Variants in CCDC88C observed in about 807,000 individuals in gnomAD.
CCDC88C encodes protein Daple.
A neutral mutation model predicts 198.8 loss-of-function variants in CCDC88C; 131 were observed. That is an observed-to-expected ratio of 0.66 (90% CI 0.57 to 0.76). The LOEUF (loss-of-function observed/expected upper bound fraction) is 0.76, where lower values mean the gene tolerates loss of function less well. Ranked by LOEUF, CCDC88C falls within the 30% of genes least tolerant of loss-of-function variation. CCDC88C has a pLI of 0.00. For missense variants in CCDC88C, 2,553 were observed against 2,631.6 expected, an observed-to-expected ratio of 0.97 and a Z score of 0.65; for synonymous variants, 1,166 against 1,114.7, an observed-to-expected ratio of 1.05 and a Z score of -0.92.
rs778981074 is a variant in CCDC88C at position 91,294,204 on chromosome 14, C to T, written c.4081G>A (p.Glu1361Lys). 9.3e-6 allele frequency: 15 copies of T among 1,613,998 alleles called. No individual in the cohort carries two copies. The highest frequency in any genetic ancestry group is 1.3e-5 in the Non-Finnish European group (15 of 1,179,868). Residue 1361 changes from glutamate to lysine, a missense_variant, in exon 23 of 30, where the codon GAG (glutamate) becomes AAG (lysine). Coordinates refer to ENST00000389857, the MANE Select transcript of CCDC88C (RefSeq NM_001080414.4). ...TGCTTCTGCTCCTCATGGTACTGCT[C>T]CTTGTTCTCCATGTTCTGCTCCAGA... ...MLLEQNMENK[E>K]QYHEEQKQYI... is the part of the protein sequence containing the mutation.
intron 4 of CCDC88C, among the ~76,000 whole-genome samples, 189 bp from the exon 5 acceptor site, chr14:91,343,846 G>T (rs368680283): frequency 6.6e-6 from 1 of 152,094 alleles, no homozygotes; most frequent in Non-Finnish European, 1.5e-5. Context: ...TTGAGACAGG[G>T]TCTCACTCTG....
chr14:91,400,330 G>A (rs901801800), intron 3 of CCDC88C, among the ~76,000 whole-genome samples: 1 of 152,220 alleles, frequency 6.6e-6, no homozygotes, highest in African/African-American at 2.4e-5. Context: ...GGAGGAGGAC[G>A]GGGGACCCCC....
Position 91,339,955 on chromosome 14 carries a change from G to A in CCDC88C, c.553C>T (p.Leu185=). ...LELPDVAPEE[L]EALSRSMVLH... Reference sequence around the variant, plus strand: ...ACCATGCTCCTCGACAGGGCCTCCAGCTCCTCCGGAGCCACGTCGGGCAGC... The same window carrying A: ...ACCATGCTCCTCGACAGGGCCTCCAACTCCTCCGGAGCCACGTCGGGCAGC... The change falls in exon 7 of 30, where the codon CTG becomes TTG. Residue 185 remains leucine (L), a synonymous_variant. Coordinates refer to ENST00000389857, the MANE Select transcript of CCDC88C (RefSeq NM_001080414.4). This position sits in a 1 kb window ranked among gnomAD's most constrained non-coding sequence, Gnocchi z 5.8. 6.2e-7 allele frequency: 1 copy of A among 1,601,184 alleles called. No homozygotes were observed. Among genetic ancestry groups the A allele is most frequent in the Non-Finnish European group, 8.5e-7 (1 of 1,175,076 alleles).
At chr14:91,276,821 A>G (rs112791685) in intron 29 of CCDC88C, among the ~76,000 whole-genome samples, 10 of 152,364 alleles carry the variant, frequency 6.6e-5, no homozygotes, top group African/African-American at 1.9e-4. Context: ...ACGTATGTGC[A>G]GCTTCAAAAA....
At chr14:91,336,969 G>A (rs1421552915) in intron 10 of CCDC88C, among the ~76,000 whole-genome samples, 3 of 152,232 alleles carry the variant, frequency 2.0e-5, no homozygotes, top group African/African-American at 7.2e-5. Context: ...TAGGAGAGAC[G>A]TTGGGATTAT....
chr14:91,386,071 T>C (rs1313251228), intron 3 of CCDC88C, among the ~76,000 whole-genome samples: 1 of 152,024 alleles, frequency 6.6e-6, no homozygotes, highest in Non-Finnish European at 1.5e-5. Context: ...ATGGGGACAA[T>C]ACTTCCTGAA....
At chr14:91,319,431 T>C (rs1218099242) in intron 13 of CCDC88C, among the ~76,000 whole-genome samples, 1 of 152,192 alleles carries the variant, frequency 6.6e-6, no homozygotes, top group East Asian at 1.9e-4. Context: ...TTCTTCCCCA[T>C]CCCATAAACC....
chr14:91,291,034 A>AT lies in CCDC88C; in HGVS notation c.4162dup (p.Ile1388AsnfsTer9). Reference sequence around the variant, plus strand: ...ATCATAGAACTTGTATTGATCCATGATTTTTTCTTCCAGCTTTTCCTTATG... The same window carrying AT: ...ATCATAGAACTTGTATTGATCCATGATTTTTTTCTTCCAGCTTTTCCTTATG... On this transcript the variant is annotated frameshift_variant, in exon 24 of 30. Coordinates refer to ENST00000389857, the MANE Select transcript of CCDC88C (RefSeq NM_001080414.4). LOFTEE classifies it high-confidence loss of function. 1 of 1,592,990 alleles carries AT rather than the reference A, an allele frequency of 6.3e-7. No homozygotes were observed. Among genetic ancestry groups the AT allele is most frequent in the East Asian group, 2.2e-5 (1 of 44,622 alleles).
intron 2 of CCDC88C, among the ~76,000 whole-genome samples, chr14:91,412,171 T>TA (rs1886824676): frequency 6.6e-6 from 1 of 152,102 alleles, no homozygotes; most frequent in Non-Finnish European, 1.5e-5. Flanking sequence ...TATCACAGGT[T>TA]AAAAAACATG....
chr14:91,315,831 C>T (rs369977738), intron 13 of CCDC88C, 44 bp from the exon 14 acceptor site: 116 of 1,589,400 alleles, frequency 7.3e-5, no homozygotes, highest in Non-Finnish European at 9.4e-5. Flanking sequence ...ATCAGTCCTA[C>T]GAAGTGAACC....
intron 12 of CCDC88C, 28 bp downstream of exon 12, chr14:91,324,751 T>C: frequency 6.2e-7 from 1 of 1,605,562 alleles, no homozygotes; most frequent in Non-Finnish European, 8.5e-7. Flanking sequence ...ACGGCCAGGC[T>C]GGCTCCCCGG....
At chr14:91,413,303 T>C (rs960680257) in intron 2 of CCDC88C, among the ~76,000 whole-genome samples, 18 of 152,194 alleles carry the variant, frequency 1.2e-4, no homozygotes. Flanking sequence ...TAGTTTTATT[T>C]AAATCTCCCC....
intron 23 of CCDC88C, among the ~76,000 whole-genome samples, chr14:91,291,825 T>C (rs888155094): frequency 6.6e-6 from 1 of 152,300 alleles, no homozygotes. Context: ...CAAAGAGATA[T>C]CTCTTGAATC....
intron 10 of CCDC88C, among the ~76,000 whole-genome samples, chr14:91,329,198 A>T (rs1233940690): frequency 6.6e-6 from 1 of 151,934 alleles, no homozygotes; most frequent in Non-Finnish European, 1.5e-5. Context: ...TTTGAGAAGC[A>T]TGGGGGACTT....
intron 3 of CCDC88C, among the ~76,000 whole-genome samples, chr14:91,383,323 G>C (rs185037829): frequency 1.1e-3 from 172 of 152,330 alleles, no homozygotes; most frequent in Non-Finnish European, 2.1e-3. Flanking sequence ...CTGCCGTGGG[G>C]GGCCCAGCCA....
intron 20 of CCDC88C, among the ~76,000 whole-genome samples, chr14:91,302,814 A>G (rs1822885233): frequency 1.3e-5 from 2 of 152,178 alleles, no homozygotes; most frequent in Admixed American, 1.3e-4. Context: ...TTGATATGAA[A>G]GAGAAGAGCT....
chr14:91,296,433 G>C (rs1323768843), intron 22 of CCDC88C, among the ~76,000 whole-genome samples: 2 of 152,368 alleles, frequency 1.3e-5, no homozygotes, highest in African/African-American at 4.8e-5. Flanking sequence ...CCTCCTGGAA[G>C]ATCCTGACGC....
intron 3 of CCDC88C, among the ~76,000 whole-genome samples, chr14:91,405,915 G>T (rs2085385729): frequency 6.6e-6 from 1 of 152,204 alleles, no homozygotes; most frequent in Non-Finnish European, 1.5e-5. Flanking sequence ...AGCAAGTACT[G>T]TCAGCATACA....
chr14:91,378,503 A>ACC (rs1394576090), intron 3 of CCDC88C: 13 of 152,472 alleles, frequency 8.5e-5, no homozygotes, highest in Non-Finnish European at 1.6e-4. Flanking sequence ...TGTAATAACC[A>ACC]CCTGCACACC....
Sources: allele counts gnomAD v4.1 joint callset (sites outside exome capture counted in the v4.1 genomes callset), GRCh38; gene constraint gnomAD v4.1.1; non-coding constraint Gnocchi (gnomAD v3.1); transcripts MANE v1.5; gene names NCBI Gene and HGNC (gene_info 2026-07-23, HGNC 2026-07-21).